Variants in TRIM24 observed in about 807,000 individuals in gnomAD.
TRIM24 encodes the protein tripartite motif containing 24, also known as transcription intermediary factor 1-alpha.
TRIM24 carries 29 observed loss-of-function variants against 123.9 expected under a neutral mutation model. The observed-to-expected ratio is 0.23, with a 90% CI of 0.17 to 0.32. The LOEUF (loss-of-function observed/expected upper bound fraction) is 0.32. Among genes scored for constraint, TRIM24 ranks in the 10% least tolerant of loss-of-function variants. The pLI, the probability that TRIM24 is intolerant of heterozygous loss-of-function variation, is 1.00. For synonymous variants in TRIM24, 456 were observed against 461.1 expected, an observed-to-expected ratio of 0.99 and a Z score of 0.14; for missense variants, 932 against 1,295.3, an observed-to-expected ratio of 0.72 and a Z score of 4.31.
chr7:138,508,712 T>TGC (rs879759113), intron 2 of TRIM24, among the ~76,000 whole-genome samples: 5,051 of 112,238 alleles, frequency 0.045, 144 homozygotes, highest in Non-Finnish European at 0.064. Context: ...TGTGTGCGTG[T>TGC]GTGTGTGCGT....
chr7:138,516,782 A>G (rs1183354250), intron 3 of TRIM24, among the ~76,000 whole-genome samples: 2 of 151,428 alleles, frequency 1.3e-5, no homozygotes, highest in African/African-American at 4.9e-5. Context: ...TCCATGTAAT[A>G]GCATGTATCA....
chr7:138,536,211 C>G (rs1197581416), intron 6 of TRIM24, among the ~76,000 whole-genome samples: 1 of 152,222 alleles, frequency 6.6e-6, no homozygotes, highest in Non-Finnish European at 1.5e-5. Flanking sequence ...CTTCTTCTCT[C>G]AACTCATCAA....
intron 2 of TRIM24, among the ~76,000 whole-genome samples, chr7:138,511,490 A>G (rs922875742): frequency 2.0e-5 from 3 of 151,944 alleles, no homozygotes; most frequent in African/African-American, 4.8e-5. Flanking sequence ...GGATTTCACC[A>G]TGTTAGCCAA....
intron 9 of TRIM24, among the ~76,000 whole-genome samples, chr7:138,565,575 G>A (rs1038190829): frequency 1.1e-4 from 16 of 152,160 alleles, no homozygotes; most frequent in East Asian, 1.9e-4. Flanking sequence ...TAAACCTTTC[G>A]TCTCCAATCC....
At chr7:138,500,404 A>G (rs1310309584) in intron 1 of TRIM24, among the ~76,000 whole-genome samples, 2 of 151,886 alleles carry the variant, frequency 1.3e-5, no homozygotes, top group Non-Finnish European at 2.9e-5. Flanking sequence ...TACTAAAAAT[A>G]CAAAAAAAAT....
At chr7:138,584,141 T>C in intron 18 of TRIM24, 142 bp downstream of exon 18, 1 of 861,570 alleles carries the variant, frequency 1.2e-6, no homozygotes, top group Non-Finnish European at 1.7e-6. Context: ...ATGCAAGAGA[T>C]AATTCAGATA....
chr7:138,504,913 A>G (rs1205783048), intron 2 of TRIM24, among the ~76,000 whole-genome samples: 5 of 151,918 alleles, frequency 3.3e-5, no homozygotes, highest in Admixed American at 3.3e-4. Context: ...GGTGTGTGCC[A>G]CTATGCCCAG....
At chr7:138,577,622 C>A in intron 14 of TRIM24, 34 bp downstream of exon 14, 1 of 1,513,636 alleles carries the variant, frequency 6.6e-7, no homozygotes, top group Non-Finnish European at 8.9e-7. Flanking sequence ...TATTCCTATG[C>A]ATGGTGGGTA....
At chr7:138,486,830 G>C (rs917374242) in intron 1 of TRIM24, among the ~76,000 whole-genome samples, 1 of 152,090 alleles carries the variant, frequency 6.6e-6, no homozygotes, top group African/African-American at 2.4e-5. Flanking sequence ...GCTCTTTTAT[G>C]GTTCCATATG....
At chr7:138,560,529 G>A (rs1366885367) in intron 9 of TRIM24, among the ~76,000 whole-genome samples, 1 of 152,180 alleles carries the variant, frequency 6.6e-6, no homozygotes, top group Non-Finnish European at 1.5e-5. Flanking sequence ...TATTCCTGGG[G>A]CCGAGTGGGC....
At chr7:138,502,041 G>A (rs1796052108) in intron 1 of TRIM24, among the ~76,000 whole-genome samples, 1 of 152,128 alleles carries the variant, frequency 6.6e-6, no homozygotes, top group Non-Finnish European at 1.5e-5. Flanking sequence ...TGTAAATTTA[G>A]GATTTACTAA....
chr7:138,473,387 A>ATT (rs1795319764), intron 1 of TRIM24, among the ~76,000 whole-genome samples: 1 of 152,178 alleles, frequency 6.6e-6, no homozygotes. Flanking sequence ...GGCAACAGTG[A>ATT]TTTGTCTTTT....
At chr7:138,581,631 T>G (rs1797897280) in intron 16 of TRIM24, 66 bp from the exon 17 acceptor site, 1 of 1,377,136 alleles carries the variant, frequency 7.3e-7, no homozygotes, top group Non-Finnish European at 1.0e-6. Context: ...AGATTGTTAT[T>G]TAAAATAAGC....
At chr7:138,541,826 T>C (rs760019872) in intron 7 of TRIM24, among the ~76,000 whole-genome samples, 3 of 152,248 alleles carry the variant, frequency 2.0e-5, no homozygotes, top group Non-Finnish European at 4.4e-5. Flanking sequence ...TATCTTTTGA[T>C]TAACTTGCTG....
At chr7:138,552,755 G>A (rs985527082) in intron 8 of TRIM24, among the ~76,000 whole-genome samples, 5 of 152,168 alleles carry the variant, frequency 3.3e-5, no homozygotes, top group African/African-American at 1.2e-4. Flanking sequence ...GGAGACCCCT[G>A]CAGACTAGTT....
At chr7:138,522,238 A>G (rs1416967640) in intron 4 of TRIM24, among the ~76,000 whole-genome samples, 1 of 152,126 alleles carries the variant, frequency 6.6e-6, no homozygotes, top group Non-Finnish European at 1.5e-5. Flanking sequence ...CGGGAGGCTT[A>G]GGCAGGAGAA....
At chr7:138,494,569 G>T (rs1014671961) in intron 1 of TRIM24, among the ~76,000 whole-genome samples, 22 of 152,124 alleles carry the variant, frequency 1.4e-4, no homozygotes, top group African/African-American at 3.8e-4. Context: ...CCCCTTCTGT[G>T]TTTTAAAAAA....
chr7:138,506,338 T>C (rs1796150442), intron 2 of TRIM24, among the ~76,000 whole-genome samples: 1 of 152,220 alleles, frequency 6.6e-6, no homozygotes, highest in Admixed American at 6.5e-5. Flanking sequence ...TTAAGTCCTC[T>C]GAAAGTTCTC....
intron 1 of TRIM24, among the ~76,000 whole-genome samples, chr7:138,488,836 T>A (rs1795712431): frequency 6.6e-6 from 1 of 152,178 alleles, no homozygotes; most frequent in Admixed American, 6.5e-5. Context: ...TGATTTGGGG[T>A]GGAGAGTTCT....
Sources: gnomAD v4.1 joint callset for allele counts (sites outside exome capture counted in the v4.1 genomes callset) on GRCh38, gnomAD v4.1.1 for gene constraint, MANE v1.5 for transcripts, NCBI Gene and HGNC (gene_info 2026-07-23, HGNC 2026-07-21) for gene names.